The following LPCAT2 variants were observed in gnomAD, a reference collection of about 807,000 sequenced individuals.
LPCAT2 encodes the protein lysophosphatidylcholine acyltransferase 2.
A neutral mutation model predicts 64.7 loss-of-function variants in LPCAT2; 58 were observed. The observed-to-expected ratio is 0.90, with a 90% CI of 0.73 to 1.12. LPCAT2 has a LOEUF of 1.12. Ranked by LOEUF, LPCAT2 falls within the 50% of genes most tolerant of loss-of-function variation. LPCAT2 has a pLI of 0.00. For missense variants in LPCAT2, 579 were observed against 669.8 expected (o/e 0.86, Z 1.50); for synonymous variants, 252 against 245.3 (o/e 1.03, Z -0.26).
At chr16:55,528,939 T>G (rs1963213760) in intron 3 of LPCAT2, among the ~76,000 whole-genome samples, 1 of 152,164 alleles carries the variant, frequency 6.6e-6, no homozygotes, top group Admixed American at 6.5e-5. Flanking sequence ...AAAACACAGG[T>G]ATATGCTGTT....
intron 13 of LPCAT2, among the ~76,000 whole-genome samples, chr16:55,582,037 T>G (rs1477793089): frequency 6.6e-6 from 1 of 152,208 alleles, no homozygotes; most frequent in African/African-American, 2.4e-5. Flanking sequence ...AGTTAAGGGC[T>G]CAAATGGTTT....
intron 3 of LPCAT2, among the ~76,000 whole-genome samples, 181 bp downstream of exon 3, chr16:55,528,775 A>G (rs1963211322): frequency 6.6e-6 from 1 of 152,106 alleles, no homozygotes; most frequent in Non-Finnish European, 1.5e-5. Flanking sequence ...AAGATTAGAG[A>G]CTTCCCTTTT....
chr16:55,534,586 T>C, intron 7 of LPCAT2, 109 bp downstream of exon 7: 1 of 524,008 alleles, frequency 1.9e-6, no homozygotes, highest in East Asian at 3.7e-5. Flanking sequence ...AATATTGTTA[T>C]ATTTAAAAAC....
In LPCAT2 at chr16:55,584,957, AT is replaced by A. The variant is rs1963928576; in HGVS notation, c.*1860del. On this transcript the variant is annotated 3_prime_UTR_variant, in exon 14 of 14. Coordinates refer to ENST00000262134, the MANE Select transcript of LPCAT2 (RefSeq NM_017839.5). ...CAATGAATGTATGTAATACTAAAAA[AT>A]CATGACTACTTTTATCAAAGAAAAA... is the stretch of plus-strand genomic sequence containing the variant. 1 of 152,226 alleles carries A rather than the reference AT, an allele frequency of 6.6e-6. No individual in the cohort carries two copies. Among genetic ancestry groups the A allele is most frequent in the African/African-American group, 2.4e-5 (1 of 41,468 alleles). 9.4% of individuals were successfully genotyped at this position (152,226 alleles called of 1,614,324 possible).
intron 1 of LPCAT2, among the ~76,000 whole-genome samples, chr16:55,523,539 A>G (rs1157137370): frequency 6.6e-6 from 1 of 151,844 alleles, no homozygotes; most frequent in Non-Finnish European, 1.5e-5. Flanking sequence ...AATGCCCATG[A>G]ACAAGTAAAT....
chr16:55,582,250 A>G (rs1446303491), intron 13 of LPCAT2, among the ~76,000 whole-genome samples: 1 of 152,134 alleles, frequency 6.6e-6, no homozygotes, highest in Non-Finnish European at 1.5e-5. Context: ...CCCTTTCCCA[A>G]CCACACCCCT....
intron 1 of LPCAT2, 57 bp from the exon 2 acceptor site, chr16:55,525,451 A>C: frequency 6.7e-7 from 1 of 1,500,176 alleles, no homozygotes; most frequent in Non-Finnish European, 9.1e-7. Context: ...TTTCTGTTTG[A>C]TAGCCATGAA....
intron 11 of LPCAT2, among the ~76,000 whole-genome samples, chr16:55,557,404 C>G (rs570972774): frequency 6.6e-6 from 1 of 152,168 alleles, no homozygotes; most frequent in South Asian, 2.1e-4. Context: ...ATACACATAC[C>G]CACTTTCCAT....
chr16:55,551,132 T>A (rs1366978313), intron 11 of LPCAT2, 30 bp downstream of exon 11: 1 of 1,591,360 alleles, frequency 6.3e-7, no homozygotes, highest in South Asian at 1.1e-5. Context: ...TTCACATTTT[T>A]ACTCTGTCAG....
At chr16:55,562,793 A>G (rs1362326686) in intron 11 of LPCAT2, among the ~76,000 whole-genome samples, 1 of 151,852 alleles carries the variant, frequency 6.6e-6, no homozygotes, top group Non-Finnish European at 1.5e-5. Flanking sequence ...CCAAATGCTA[A>G]GTAATATAAT....
At chr16:55,562,934 C>G (rs185910761) in intron 11 of LPCAT2, among the ~76,000 whole-genome samples, 13 of 151,844 alleles carry the variant, frequency 8.6e-5, no homozygotes, top group Admixed American at 7.2e-4. Flanking sequence ...ATCCAGGCTA[C>G]CTGTTACAGA....
rs771153022 is a variant in LPCAT2, at chr16:55,583,121, A to G, written c.*23A>G. On this transcript the variant is annotated 3_prime_UTR_variant, in exon 14 of 14. Coordinates refer to ENST00000262134, the MANE Select transcript of LPCAT2 (RefSeq NM_017839.5). The stretch of plus-strand genomic sequence containing the variant: ...TGAAAGCAGTATTTCCAATAAGGAA[A>G]ACACAGTAGCTTTTGCTTGAAATTG... 1 of 1,565,220 alleles carries G rather than the reference A, an allele frequency of 6.4e-7. No homozygotes were observed. The highest frequency in any genetic ancestry group is 2.2e-5 in the East Asian group (1 of 44,472).
intron 10 of LPCAT2, 65 bp from the exon 11 acceptor site, chr16:55,550,884 C>T: frequency 8.0e-7 from 1 of 1,248,228 alleles, no homozygotes; most frequent in Admixed American, 2.6e-5. Context: ...AAATAATGAT[C>T]ATAAAATGTG....
At chr16:55,567,583 C>A in intron 11 of LPCAT2, 2 of 1,393,028 alleles carry the variant, frequency 1.4e-6, no homozygotes, top group South Asian at 2.7e-5. Flanking sequence ...TGCTGATACC[C>A]TGTGCAACAG....
chr16:55,580,212 C>G (rs993001199), intron 13 of LPCAT2, among the ~76,000 whole-genome samples: 18 of 152,052 alleles, frequency 1.2e-4, no homozygotes, highest in Non-Finnish European at 1.8e-4. Flanking sequence ...TAATTACTGT[C>G]ATTTAGGTAA....
chr16:55,532,631 C>T, intron 5 of LPCAT2, 193 bp from the exon 6 acceptor site: 1 of 339,752 alleles, frequency 2.9e-6, no homozygotes, highest in South Asian at 5.2e-5. Flanking sequence ...TATTTTGCTT[C>T]AGTAGTTCTT....
chr16:55,557,291 TTC>T (rs368376341), intron 11 of LPCAT2, among the ~76,000 whole-genome samples: 4 of 150,216 alleles, frequency 2.7e-5, no homozygotes, highest in Admixed American at 6.6e-5. Context: ...CTCTGTCTTC[TTC>T]TCTCTCTCTC....
chr16:55,582,991 C>T lies in LPCAT2; in HGVS notation c.1528C>T (p.His510Tyr), dbSNP rs1341238158. The change falls in exon 14 of 14, where the codon CAT becomes TAT. Residue 510 changes from histidine to tyrosine, a missense_variant. By Grantham distance (83) the His-to-Tyr change is moderately conservative (BLOSUM62 2). Coordinates refer to ENST00000262134, the MANE Select transcript of LPCAT2 (RefSeq NM_017839.5). ...FTTYLDLQTC[H>Y]VFSLPKEVQT... ...AACATACCTAGACCTCCAGACGTGC[C>T]ATGTGTTTTCATTACCAAAAGAAGT... 6.2e-7 allele frequency: 1 copy of T among 1,613,660 alleles called. No individual in the cohort carries two copies. Among genetic ancestry groups the T allele is most frequent in the African/African-American group, 1.3e-5 (1 of 74,956 alleles).
At chr16:55,549,227 CT>C (rs143728020) in intron 9 of LPCAT2, 49 bp from the exon 10 acceptor site, 177,041 of 1,328,772 alleles carry the variant, frequency 0.13, 11,197 homozygotes, top group Middle Eastern at 0.19. Context: ...AATATGATTA[CT>C]TTTTTTTTTA....
Sources: gnomAD v4.1 joint callset for allele counts (sites outside exome capture counted in the v4.1 genomes callset) on GRCh38, gnomAD v4.1.1 for gene constraint, MANE v1.5 for transcripts, NCBI Gene and HGNC (gene_info 2026-07-23, HGNC 2026-07-21) for gene names.